Variants in FBXO8 observed in about 807,000 individuals in gnomAD.
The protein encoded by FBXO8 is F-box protein 8.
A neutral mutation model predicts 33.4 loss-of-function variants in FBXO8; 15 were observed. That is an observed-to-expected ratio of 0.45 (90% CI 0.30 to 0.69). The LOEUF is 0.69. Ranked by LOEUF, FBXO8 falls within the 30% of genes least tolerant of loss-of-function variation. The pLI, the probability that FBXO8 is intolerant of heterozygous loss-of-function variation, is 0.08. For missense variants in FBXO8, 274 were observed against 380.3 expected, an observed-to-expected ratio of 0.72 and a Z score of 2.32; for synonymous variants, 132 against 131.5, an observed-to-expected ratio of 1.00 and a Z score of -0.02.
chr4:174,268,389 A>T (rs1439811198), intron 1 of FBXO8, among the ~76,000 whole-genome samples: 2 of 152,180 alleles, frequency 1.3e-5, no homozygotes, highest in African/African-American at 4.8e-5. Flanking sequence ...GGAAAACTAG[A>T]TAACGCTTCT....
chr4:174,266,281 G>A (rs79623327), intron 1 of FBXO8, among the ~76,000 whole-genome samples: 3,768 of 152,204 alleles, frequency 0.025, 74 homozygotes, highest in Non-Finnish European at 0.037. Context: ...AGGTTGGAGG[G>A]TTGAGGCTCA....
chr4:174,249,666 T>C (rs1736241534), intron 3 of FBXO8, among the ~76,000 whole-genome samples: 1 of 152,004 alleles, frequency 6.6e-6, no homozygotes, highest in African/African-American at 2.4e-5. Context: ...CTAGCACATG[T>C]ATATACTTAA....
In FBXO8 at chr4:174,253,551, G is replaced by C. The variant is rs373140511; in HGVS notation, c.456+6148C>G. On this transcript the variant is annotated intron_variant, in intron 3 of 5. Coordinates refer to ENST00000393674, the MANE Select transcript of FBXO8 (RefSeq NM_012180.3). The surrounding 1 kb of genome is among the most constrained non-coding windows in gnomAD (Gnocchi z 4.5). ...CCAGCAGAGACCAGAAACAAGGAAG[G>C]CTGAATCACATGTTTTAAGTGTATC... Among the ~76,000 whole-genome samples, 1 of 152,178 alleles carries C rather than the reference G, an allele frequency of 6.6e-6. No individual in the cohort carries two copies. Among genetic ancestry groups the C allele is most frequent in the African/African-American group, 2.4e-5 (1 of 41,442 alleles).
rs1560871070 is a variant in FBXO8 at position 174,259,551 on chromosome 4, A to G, written c.456+148T>C. On this transcript the variant is annotated intron_variant, in intron 3 of 5. Coordinates refer to ENST00000393674, the MANE Select transcript of FBXO8 (RefSeq NM_012180.3). This position sits in a 1 kb window ranked among gnomAD's most constrained non-coding sequence, Gnocchi z 4.3. ...GCGAAGAAAAATGACTATGTCACAT[A>G]GCAATAGTTTAAAATATTGGTTTTC... 1 of 971,840 alleles carries G rather than the reference A, an allele frequency of 1.0e-6. No homozygotes were observed. Among genetic ancestry groups the G allele is most frequent in the Non-Finnish European group, 1.5e-6 (1 of 651,762 alleles). The allele number at this position is 971,840 out of a possible 1,614,324, so 60.2% of individuals were successfully genotyped here.
rs1228309850 is a variant in FBXO8 at position 174,278,392 on chromosome 4, T to G, written c.-9+5018A>C. The stretch of plus-strand genomic sequence containing the variant: ...TCCCTGAAGGTTTTTTTCCTGTTAA[T>G]TTTATTCTATAAAAAGTGTTACCAA... On this transcript the variant is annotated intron_variant, in intron 1 of 5. Coordinates refer to ENST00000393674, the MANE Select transcript of FBXO8 (RefSeq NM_012180.3). The surrounding 1 kb of genome is among the most constrained non-coding windows in gnomAD (Gnocchi z 4.1). Among the ~76,000 whole-genome samples the G allele has an allele frequency of 1.3e-5, 2 of 152,082 alleles. No individual in the cohort carries two copies. Among genetic ancestry groups the G allele is most frequent in the African/African-American group, 4.8e-5 (2 of 41,440 alleles).
Position 174,263,027 on chromosome 4 carries a change from T to C in FBXO8, c.66A>G (p.Gln22=), listed in dbSNP as rs1736609181. The change falls in exon 2 of 6, where the codon CAA becomes CAG. Residue 22 remains glutamine, a synonymous_variant. Coordinates refer to ENST00000393674, the MANE Select transcript of FBXO8 (RefSeq NM_012180.3). This position sits in a 1 kb window ranked among gnomAD's most constrained non-coding sequence, Gnocchi z 4.2. Reference sequence around the variant, plus strand: ...TGCTCTGCTCTCTGGTGAGGTAGCCTTGCTCACTGTAGCCTTCTTGTTGCA... The same window carrying C: ...TGCTCTGCTCTCTGGTGAGGTAGCCCTGCTCACTGTAGCCTTCTTGTTGCA... ...QQLQQEGYSE[Q]GYLTREQSRR... 3 of 1,613,902 alleles carry C rather than the reference T, an allele frequency of 1.9e-6. No homozygotes were observed. The highest frequency in any genetic ancestry group is 3.3e-5 in the Admixed American group (2 of 59,944).
intron 1 of FBXO8, among the ~76,000 whole-genome samples, chr4:174,280,437 A>C (rs1476298720): frequency 6.6e-6 from 1 of 152,180 alleles, no homozygotes; most frequent in Non-Finnish European, 1.5e-5. Flanking sequence ...CTTCCTAAAA[A>C]AAAATTAAAA....
chr4:174,264,457 A>G (rs987206521), intron 1 of FBXO8, among the ~76,000 whole-genome samples: 1 of 152,136 alleles, frequency 6.6e-6, no homozygotes, highest in Non-Finnish European at 1.5e-5. Flanking sequence ...TTTAGTATTT[A>G]AAAAGGTATA....
chr4:174,282,030 A>G lies in FBXO8; in HGVS notation c.-9+1380T>C, dbSNP rs552470092. Among the ~76,000 whole-genome samples, 3 of 152,352 alleles carry G rather than the reference A, an allele frequency of 2.0e-5. No homozygotes were observed. In the South Asian group the frequency reaches 6.2e-4, roughly 32 times the overall value. ...AAAATGAGGAAAAAATTAGTTGTAC[A>G]TTAGCAGTTGGTTAAATAATAAACC... On this transcript the variant is annotated intron_variant, in intron 1 of 5. Coordinates refer to ENST00000393674, the MANE Select transcript of FBXO8 (RefSeq NM_012180.3).
At chr4:174,240,240 G>A (rs1305160098) in intron 4 of FBXO8, among the ~76,000 whole-genome samples, 4 of 151,414 alleles carry the variant, frequency 2.6e-5, no homozygotes, top group Non-Finnish European at 5.9e-5. Flanking sequence ...TTAATGATGC[G>A]ATCTTTACAT....
At chr4:174,248,754 G>C (rs180917482) in intron 3 of FBXO8, among the ~76,000 whole-genome samples, 2 of 152,134 alleles carry the variant, frequency 1.3e-5, no homozygotes, top group Admixed American at 1.3e-4. Flanking sequence ...AATTGGCAAG[G>C]ATTTCAGCTA....
intron 3 of FBXO8, among the ~76,000 whole-genome samples, chr4:174,243,917 C>T (rs1156400004): frequency 6.6e-6 from 1 of 151,388 alleles, no homozygotes. Context: ...ATAAGGCATA[C>T]TGACAAATTA....
At position 174,255,950 on chromosome 4, in the gene FBXO8, T is replaced by C; in HGVS notation, c.456+3749A>G. The C allele has an allele frequency of 3.2e-6, 1 of 310,036 alleles. No homozygotes were observed. Among genetic ancestry groups the C allele is most frequent in the South Asian group, 2.9e-5 (1 of 34,106 alleles). 19.2% of individuals were successfully genotyped at this position (310,036 alleles called of 1,614,324 possible). A position where few individuals can be genotyped will look rare whatever the true frequency, so the allele number is the denominator to read the frequency against. On this transcript the variant is annotated intron_variant, in intron 3 of 5. Transcript: ENST00000393674. This position sits in a 1 kb window ranked among gnomAD's most constrained non-coding sequence, Gnocchi z 4.3. ...ACCTGCCACAAAGTACACAAGCTCA[T>C]GCACAAGATCAAGACGTTACATACA...
intron 1 of FBXO8, among the ~76,000 whole-genome samples, chr4:174,280,148 A>T (rs1737046116): frequency 6.6e-6 from 1 of 152,198 alleles, no homozygotes; most frequent in Non-Finnish European, 1.5e-5. Context: ...CTCAACAATA[A>T]CAAAAACATG....
chr4:174,254,280 G>A lies in FBXO8; in HGVS notation c.456+5419C>T, dbSNP rs919514302. 6.6e-6 allele frequency among the ~76,000 whole-genome samples: 1 copy of A among 152,146 alleles called. No individual in the cohort carries two copies. Among genetic ancestry groups the A allele is most frequent in the Non-Finnish European group, 1.5e-5 (1 of 68,028 alleles). On this transcript the variant is annotated intron_variant, in intron 3 of 5. Coordinates refer to ENST00000393674, the MANE Select transcript of FBXO8 (RefSeq NM_012180.3). The surrounding 1 kb of genome is among the most constrained non-coding windows in gnomAD (Gnocchi z 4.2). ...ATCTGGCATTGTTTGAAGTATGTGT[G>A]TCTTACTGTCAACTTGGTTCACATT...
At chr4:174,244,687 C>A (rs1457276174) in intron 3 of FBXO8, among the ~76,000 whole-genome samples, 1 of 151,544 alleles carries the variant, frequency 6.6e-6, no homozygotes, top group African/African-American at 2.4e-5. Flanking sequence ...TCTCAGATAC[C>A]TCCAAGCATA....
Position 174,263,123 on chromosome 4 carries a change from T to C in FBXO8, c.-8-23A>G. On this transcript the variant is annotated intron_variant, in intron 1 of 5. Transcript: ENST00000393674. This position sits in a 1 kb window ranked among gnomAD's most constrained non-coding sequence, Gnocchi z 4.2. ...AGCCTGGGAAAAAGCCAGAATGTAA[T>C]AAGGGTGACATTTAAAAAGTAACCC... 1 of 1,595,560 alleles carries C rather than the reference T, an allele frequency of 6.3e-7. No individual in the cohort carries two copies. Among genetic ancestry groups the C allele is most frequent in the Non-Finnish European group, 8.6e-7 (1 of 1,166,230 alleles).
In FBXO8 at chr4:174,255,220, T is replaced by C. The variant is rs576089689; in HGVS notation, c.456+4479A>G. Among the ~76,000 whole-genome samples the C allele has an allele frequency of 1.2e-4, 19 of 152,318 alleles. No individual in the cohort carries two copies. Among genetic ancestry groups the C allele is most frequent in the African/African-American group, 4.1e-4 (17 of 41,588 alleles). On this transcript the variant is annotated intron_variant, in intron 3 of 5. Coordinates refer to ENST00000393674, the MANE Select transcript of FBXO8 (RefSeq NM_012180.3). This position sits in a 1 kb window ranked among gnomAD's most constrained non-coding sequence, Gnocchi z 4.3. ...CATGAGGGTTTTCATTCCCTAGGAA[T>C]AGAAGTTAAAGTTATTTTTCACCAC...
Position 174,262,321 on chromosome 4 carries a change from G to A in FBXO8, c.329+443C>T, listed in dbSNP as rs990122564. 1.3e-5 allele frequency among the ~76,000 whole-genome samples: 2 copies of A among 152,118 alleles called. No homozygotes were observed. Among genetic ancestry groups the A allele is most frequent in the African/African-American group, 4.8e-5 (2 of 41,416 alleles). ...GTAAAAATGTAAGGCTCTATATGAA[G>A]AAAATTAAAAACAGTAACATTTGAG... On this transcript the variant is annotated intron_variant, in intron 2 of 5. Transcript: ENST00000393674. The surrounding 1 kb of genome is among the most constrained non-coding windows in gnomAD (Gnocchi z 4.6).
Sources: gnomAD v4.1 joint callset for allele counts (sites outside exome capture counted in the v4.1 genomes callset) on GRCh38, gnomAD v4.1.1 for gene constraint, Gnocchi (gnomAD v3.1) non-coding constraint, MANE v1.5 for transcripts, NCBI Gene and HGNC (gene_info 2026-07-23, HGNC 2026-07-21) for gene names.